Variants in PREX1 observed in about 807,000 individuals in gnomAD.
PREX1 encodes phosphatidylinositol-3,4,5-trisphosphate dependent Rac exchange factor 1.
Under a neutral mutation model 198.3 loss-of-function variants are expected in PREX1, and 41 were observed. That is an observed-to-expected ratio of 0.21 (90% CI 0.16 to 0.27). The LOEUF (loss-of-function observed/expected upper bound fraction) is 0.27, where lower values mean the gene tolerates loss of function less well. PREX1 is among the 10% of genes least tolerant of loss of function. PREX1 has a pLI of 1.00. For missense variants in PREX1, 1,620 were observed against 2,200.7 expected (o/e 0.74, Z 5.28); for synonymous variants, 843 against 887.2 (o/e 0.95, Z 0.89).
rs1440474716 is a variant in PREX1 at position 48,650,226 on chromosome 20, A to G, written c.2818-20T>C. ...TGCAAACTGAGAAAGTGGAGGCCGT[A>G]AGGTCGTGAATCACAGGGCAGGGTC... On this transcript the variant is annotated intron_variant, in intron 23 of 39. Coordinates refer to ENST00000371941, the MANE Select transcript of PREX1 (RefSeq NM_020820.4). 6.3e-7 allele frequency: 1 copy of G among 1,589,166 alleles called. No homozygotes were observed. The highest frequency in any genetic ancestry group is 8.6e-7 in the Non-Finnish European group (1 of 1,159,076).
intron 1 of PREX1, chr20:48,821,937 T>C (rs903210915): frequency 1.3e-5 from 2 of 151,756 alleles, no homozygotes; most frequent in African/African-American, 2.4e-5. Flanking sequence ...CCCCACAGGG[T>C]TGTCCTTCTT....
intron 1 of PREX1, among the ~76,000 whole-genome samples, chr20:48,804,886 A>G (rs146270544): frequency 4.6e-5 from 7 of 152,306 alleles, no homozygotes; most frequent in Non-Finnish European, 8.8e-5. Context: ...AGGGGGCCGC[A>G]AGAGGAGTGG....
chr20:48,684,809 T>G lies in PREX1; in HGVS notation c.1335-3474A>C, dbSNP rs2089774820. On this transcript the variant is annotated intron_variant, in intron 10 of 39. Transcript: ENST00000371941. The surrounding 1 kb of genome is among the most constrained non-coding windows in gnomAD (Gnocchi z 4.2). ...CCACATCTCCTGCCCCTCTGACCAC[T>G]CAGGCTCCAGCCACAATGGCCTCCT... Among the ~76,000 whole-genome samples, 1 of 152,130 alleles carries G rather than the reference T, an allele frequency of 6.6e-6. No individual in the cohort carries two copies. Among genetic ancestry groups the G allele is most frequent in the African/African-American group, 2.4e-5 (1 of 41,428 alleles).
intron 5 of PREX1, among the ~76,000 whole-genome samples, chr20:48,709,356 C>G (rs944299572): frequency 6.6e-6 from 1 of 152,210 alleles, no homozygotes; most frequent in Non-Finnish European, 1.5e-5. Flanking sequence ...AACATCCCCG[C>G]AGATGTGACA....
At chr20:48,642,070 C>G (rs536448540) in intron 29 of PREX1, 98 bp downstream of exon 29, 3 of 1,255,192 alleles carry the variant, frequency 2.4e-6, no homozygotes, top group South Asian at 2.6e-5. Context: ...AGTCGTTCAG[C>G]AGTAGGAGGG....
intron 31 of PREX1, among the ~76,000 whole-genome samples, chr20:48,637,197 C>A (rs2089371612): frequency 1.3e-5 from 2 of 152,244 alleles, no homozygotes; most frequent in African/African-American, 4.8e-5. Flanking sequence ...CAGTTTCAAG[C>A]AATTGGTCTC....
chr20:48,648,557 G>A (rs1390967436), intron 25 of PREX1, among the ~76,000 whole-genome samples: 1 of 152,174 alleles, frequency 6.6e-6, no homozygotes, highest in Admixed American at 6.5e-5. Context: ...CCCAACAGAA[G>A]GAAGGAGTCC....
rs1381287476 is a variant in PREX1 at position 48,692,790 on chromosome 20, C to A, written c.918G>T (p.Arg306Ser). The A allele has an allele frequency of 6.2e-7, 1 of 1,612,800 alleles. No homozygotes were observed. The highest frequency in any genetic ancestry group is 1.1e-5 in the South Asian group (1 of 91,026). ...TGGTGGACTTCTTGCTCCCGGTGAC[C>A]CTGATAGACAGTGAGAAGTCAGTGT... ...NLLVYCKRKS[R>S]VTGSKKSTKR... The change falls in exon 8 of 40, where the codon AGG becomes AGT. Residue 306 changes from arginine to serine, a missense_variant and splice_region_variant. Arg to Ser is a moderately radical substitution (Grantham distance 110). Transcript: ENST00000371941.
chr20:48,638,937 T>C (rs1381073135), intron 30 of PREX1, among the ~76,000 whole-genome samples: 1 of 152,188 alleles, frequency 6.6e-6, no homozygotes, highest in Non-Finnish European at 1.5e-5. Context: ...CTGGTTACAC[T>C]TTTGGAGAAC....
At position 48,666,817 on chromosome 20, in the gene PREX1, G is replaced by A. The variant is rs549346180; in HGVS notation, c.1666-462C>T. On this transcript the variant is annotated intron_variant, in intron 14 of 39. Transcript: ENST00000371941. The surrounding 1 kb of genome is among the most constrained non-coding windows in gnomAD (Gnocchi z 4.3). ...TGGAATTACAGGCATGAGCCACCACGCCTGGCCCCATTTGTGATTATTATT... is the reference window on the plus strand; with the variant it reads ...TGGAATTACAGGCATGAGCCACCACACCTGGCCCCATTTGTGATTATTATT... 1.3e-5 allele frequency among the ~76,000 whole-genome samples: 2 copies of A among 152,144 alleles called. No homozygotes were observed. Among genetic ancestry groups the A allele is most frequent in the Non-Finnish European group, 2.9e-5 (2 of 68,026 alleles).
At chr20:48,725,933 G>C (rs1356067904) in intron 5 of PREX1, among the ~76,000 whole-genome samples, 1 of 152,208 alleles carries the variant, frequency 6.6e-6, no homozygotes, top group Non-Finnish European at 1.5e-5. Flanking sequence ...CAAAGCGCAT[G>C]ACTCAGGCCC....
At chr20:48,661,476 C>G (rs1439103974) in intron 15 of PREX1, among the ~76,000 whole-genome samples, 2 of 91,104 alleles carry the variant, frequency 2.2e-5, no homozygotes, top group African/African-American at 5.3e-5. Flanking sequence ...TATACACACA[C>G]ATATATATAA....
intron 4 of PREX1, 94 bp from the exon 5 acceptor site, chr20:48,726,485 T>C: frequency 1.1e-6 from 1 of 871,626 alleles, no homozygotes; most frequent in South Asian, 1.5e-5. Context: ...AGAGCACAGC[T>C]ACAATCACTT....
At position 48,696,051 on chromosome 20, in the gene PREX1, G is replaced by T. The variant is rs535890792; in HGVS notation, c.918-3261C>A. ...AACTGTAAAGACCTTTTCACAGTCT[G>T]TGGCTTGTCTTTTCACTCTCCTTAC... On this transcript the variant is annotated intron_variant, in intron 7 of 39. Transcript: ENST00000371941. Among the ~76,000 whole-genome samples, 29 of 152,334 alleles carry T rather than the reference G, an allele frequency of 1.9e-4. No individual in the cohort carries two copies. In the South Asian group the frequency reaches 3.5e-3, roughly 18 times the overall value.
intron 1 of PREX1, among the ~76,000 whole-genome samples, chr20:48,790,919 A>C (rs2078390627): frequency 6.6e-6 from 1 of 151,234 alleles, no homozygotes; most frequent in Admixed American, 6.6e-5. Context: ...ACCTCTACCC[A>C]CCCTGTCCCC....
chr20:48,710,091 G>T (rs1207729775), intron 5 of PREX1, among the ~76,000 whole-genome samples: 1 of 152,186 alleles, frequency 6.6e-6, no homozygotes, highest in Non-Finnish European at 1.5e-5. Context: ...CAGCAATGAG[G>T]CTGGAAAGGC....
At chr20:48,885,322 T>C in the PREX1 span, among the ~76,000 whole-genome samples, 2 of 152,184 alleles carry the variant, frequency 1.3e-5, no homozygotes, top group Admixed American at 1.3e-4. Context: ...AATAAGTACA[T>C]GACAGCGAAT....
intron 1 of PREX1, among the ~76,000 whole-genome samples, chr20:48,824,265 G>C (rs1280251670): frequency 1.3e-5 from 2 of 152,178 alleles, no homozygotes; most frequent in Non-Finnish European, 2.9e-5. Flanking sequence ...AGATGAGGGA[G>C]GGAGTGCAAC....
At chr20:48,708,139 C>T (rs1464989978) in intron 6 of PREX1, 121 bp downstream of exon 6, 1 of 1,067,344 alleles carries the variant, frequency 9.4e-7, no homozygotes, top group Admixed American at 2.5e-5. Flanking sequence ...CTTTTGCAAA[C>T]ACTGTAGGCC....
Sources: allele counts gnomAD v4.1 joint callset (sites outside exome capture counted in the v4.1 genomes callset), GRCh38; gene constraint gnomAD v4.1.1; non-coding constraint Gnocchi (gnomAD v3.1); transcripts MANE v1.5; gene names NCBI Gene and HGNC (gene_info 2026-07-23, HGNC 2026-07-21).